Variants in ZSWIM5 observed in about 807,000 individuals in gnomAD.
The protein encoded by ZSWIM5 is zinc finger SWIM-type containing 5.
A neutral mutation model predicts 119.6 loss-of-function variants in ZSWIM5; 55 were observed. The ratio of observed to expected loss-of-function variants is 0.46; its 90% confidence interval spans 0.37 to 0.58. The LOEUF is 0.58. Among genes scored for constraint, ZSWIM5 ranks in the 20% least tolerant of loss-of-function variants. The pLI is 0.00. For synonymous variants in ZSWIM5, 537 were observed against 606.9 expected, an observed-to-expected ratio of 0.88 and a Z score of 1.69; for missense variants, 1,193 against 1,512.8, an observed-to-expected ratio of 0.79 and a Z score of 3.51.
intron 1 of ZSWIM5, among the ~76,000 whole-genome samples, chr1:45,164,335 A>C (rs1414899028): frequency 6.6e-6 from 1 of 152,202 alleles, no homozygotes; most frequent in Non-Finnish European, 1.5e-5. Context: ...AAACATGGAA[A>C]GGAACAACCG....
At chr1:45,130,377 C>G (rs1179551897) in intron 1 of ZSWIM5, among the ~76,000 whole-genome samples, 1 of 151,898 alleles carries the variant, frequency 6.6e-6, no homozygotes, top group Non-Finnish European at 1.5e-5. Context: ...CACACACACA[C>G]ACACACACAC....
chr1:45,144,255 T>C (rs1157864973), intron 1 of ZSWIM5, among the ~76,000 whole-genome samples: 1 of 151,822 alleles, frequency 6.6e-6, no homozygotes, highest in Admixed American at 6.6e-5. Flanking sequence ...CAGCCAGGCA[T>C]GGTGGTTCAA....
chr1:45,180,296 C>T (rs527802871), intron 1 of ZSWIM5, among the ~76,000 whole-genome samples: 3 of 152,268 alleles, frequency 2.0e-5, no homozygotes, highest in East Asian at 3.9e-4. Context: ...GCACCTGGCT[C>T]GGAGGGTCCT....
chr1:45,134,462 T>G (rs531319519), intron 1 of ZSWIM5, among the ~76,000 whole-genome samples: 2 of 152,280 alleles, frequency 1.3e-5, no homozygotes, highest in East Asian at 3.9e-4. Flanking sequence ...TGGAAAGGGC[T>G]GTAGGTCTTG....
rs183600219 is a variant in ZSWIM5 at position 45,164,865 on chromosome 1, A to T, written c.595+40891T>A. 2.5e-4 allele frequency among the ~76,000 whole-genome samples: 38 copies of T among 152,120 alleles called. 1 individual carries two copies. Among genetic ancestry groups the T allele is most frequent in the Admixed American group, 2.5e-3 (38 of 15,220 alleles). On this transcript the variant is annotated intron_variant, in intron 1 of 13. Coordinates refer to ENST00000359600, the MANE Select transcript of ZSWIM5 (RefSeq NM_020883.2). ...AGACTTAGACTCCCACACAATAATA[A>T]GGGAGACTTTAACACCCCACTGTCA...
intron 1 of ZSWIM5, among the ~76,000 whole-genome samples, chr1:45,165,802 C>T (rs1432871632): frequency 1.3e-5 from 2 of 152,036 alleles, no homozygotes; most frequent in Admixed American, 1.3e-4. Context: ...CAATAACAGG[C>T]TCTGAAATTG....
intron 1 of ZSWIM5, among the ~76,000 whole-genome samples, chr1:45,096,282 C>G (rs954617038): frequency 6.6e-6 from 1 of 152,184 alleles, no homozygotes; most frequent in African/African-American, 2.4e-5. Flanking sequence ...TTAAAACACA[C>G]ACACGCACGC....
In ZSWIM5 at chr1:45,018,948, A is replaced by G; in HGVS notation, c.3064T>C (p.Leu1022=). 1.2e-6 allele frequency: 2 copies of G among 1,614,238 alleles called. No homozygotes were observed. The highest frequency in any genetic ancestry group is 2.2e-5 in the South Asian group (2 of 91,090). ...GCCAGGTTAAGATGGCTCATGGCCA[A>G]TGAGGCCAGCTTGAAGGCACGTAGC... The part of the protein sequence containing the change: ...YPLRAFKLAS[L]AMSHLNLAYN... Residue 1022 remains leucine (L), a synonymous_variant, in exon 14 of 14, where the codon TTG becomes CTG. Transcript: ENST00000359600. The surrounding 1 kb of genome is among the most constrained non-coding windows in gnomAD (Gnocchi z 6.7).
At position 45,018,649 on chromosome 1, in the gene ZSWIM5, G is replaced by A. The variant is rs753585529; in HGVS notation, c.3363C>T (p.Asn1121=). The change falls in exon 14 of 14, where the codon AAC becomes AAT. Residue 1121 remains asparagine (N), a synonymous_variant. Transcript: ENST00000359600. This position sits in a 1 kb window ranked among gnomAD's most constrained non-coding sequence, Gnocchi z 6.7. ...TGTGTGTTAGGCGTGAGTGTGTAGT[G>A]TTGATATAGGCATTGATGGTGGCAT... ...LLDATINAYI[N]TTHSRLTHIS... 3.1e-6 allele frequency: 5 copies of A among 1,614,240 alleles called. No homozygotes were observed. The South Asian group carries it at 5.5e-5, about 18-fold the overall frequency.
chr1:45,194,674 G>A (rs1024216444), intron 1 of ZSWIM5, among the ~76,000 whole-genome samples: 23 of 152,076 alleles, frequency 1.5e-4, no homozygotes, highest in South Asian at 4.1e-4. Context: ...TCAGGAGATC[G>A]AGACCATCCT....
rs1359779599 is a variant in ZSWIM5 at position 45,205,920 on chromosome 1, C to A, written c.431G>T (p.Gly144Val). Residue 144 changes from glycine (G) to valine (V), a missense_variant, in exon 1 of 14, where the codon GGG becomes GTG. Physicochemically the swap from Gly to Val is moderately radical, Grantham distance 109. This residue lies in a region of ZSWIM5 where 232 missense variants were observed against 222.9 expected (regional missense o/e 1.04). Transcript: ENST00000359600. ...PAEEGPQPPP[G>V]AAAPAGSAPG... ...GGCGGAGCCGGCCGGAGCGGCGGCC[C>A]CGGGGGGTGGCTGCGGCCCCTCCTC... 1 of 1,095,540 alleles carries A rather than the reference C, an allele frequency of 9.1e-7. No individual in the cohort carries two copies. The highest frequency in any genetic ancestry group is 1.1e-6 in the Non-Finnish European group (1 of 901,522). The allele number at this position is 1,095,540 out of a possible 1,614,324, so 67.9% of individuals were successfully genotyped here. A position where few individuals can be genotyped will look rare whatever the true frequency, so the allele number is the denominator to read the frequency against.
chr1:45,206,186 C>G lies in ZSWIM5; in HGVS notation c.165G>C (p.Gly55=). 1 of 1,605,070 alleles carries G rather than the reference C, an allele frequency of 6.2e-7. No homozygotes were observed. Among genetic ancestry groups the G allele is most frequent in the Non-Finnish European group, 8.5e-7 (1 of 1,176,848 alleles). ...GGVGSSCLVL[G]ARPHLQPDSL... ...AATCCGGCTGCAGGTGGGGGCGGGC[C>G]CCGAGGACCAGGCAGCTGCTGCCGA... Residue 55 remains glycine (G), a synonymous_variant, in exon 1 of 14, where the codon GGG becomes GGC. Transcript: ENST00000359600.
At chr1:45,145,931 A>G (rs182192588) in intron 1 of ZSWIM5, among the ~76,000 whole-genome samples, 1 of 152,326 alleles carries the variant, frequency 6.6e-6, no homozygotes, top group Admixed American at 6.5e-5. Flanking sequence ...GGTACCCTAA[A>G]AGCCTCATGA....
intron 1 of ZSWIM5, among the ~76,000 whole-genome samples, chr1:45,152,399 A>G (rs1247486790): frequency 6.6e-5 from 10 of 152,164 alleles, no homozygotes; most frequent in Admixed American, 3.3e-4. Flanking sequence ...TAGAAAGCAG[A>G]ACCATCAGGA....
At chr1:45,141,203 C>A (rs548881501) in intron 1 of ZSWIM5, among the ~76,000 whole-genome samples, 1 of 152,320 alleles carries the variant, frequency 6.6e-6, no homozygotes, top group South Asian at 2.1e-4. Context: ...GGGAGACTTT[C>A]CTCTCTTTTG....
intron 1 of ZSWIM5, among the ~76,000 whole-genome samples, chr1:45,119,629 A>G (rs1321402264): frequency 2.0e-5 from 3 of 152,172 alleles, no homozygotes; most frequent in African/African-American, 7.2e-5. Flanking sequence ...ATGGTTTCCA[A>G]TCTCAGTTTC....
intron 1 of ZSWIM5, among the ~76,000 whole-genome samples, chr1:45,177,992 C>A (rs550953465): frequency 2.6e-5 from 4 of 151,770 alleles, no homozygotes; most frequent in African/African-American, 9.7e-5. Context: ...GCCTTGGCCT[C>A]ACAAAGTGCT....
intron 5 of ZSWIM5, among the ~76,000 whole-genome samples, chr1:45,044,362 C>A (rs190249159): frequency 2.6e-5 from 4 of 151,542 alleles, no homozygotes; most frequent in Admixed American, 6.6e-5. Context: ...CTGAGGCTGG[C>A]GGATTGTTTG....
At chr1:45,061,354 T>C (rs1453417796) in intron 2 of ZSWIM5, among the ~76,000 whole-genome samples, 2 of 150,908 alleles carry the variant, frequency 1.3e-5, no homozygotes, top group Non-Finnish European at 2.9e-5. Flanking sequence ...TACAATGTAA[T>C]GTTTTAATCT....
Sources: allele counts gnomAD v4.1 joint callset (sites outside exome capture counted in the v4.1 genomes callset), GRCh38; gene constraint gnomAD v4.1.1; regional missense constraint gnomAD v4.1.1; non-coding constraint Gnocchi (gnomAD v3.1); transcripts MANE v1.5; gene names NCBI Gene and HGNC (gene_info 2026-07-23, HGNC 2026-07-21).